Variants in SLC9A7 observed in about 807,000 individuals in gnomAD.
The protein encoded by SLC9A7 is solute carrier family 9 member A7.
SLC9A7 carries 19 observed loss-of-function variants against 52.6 expected under a neutral mutation model. That is an observed-to-expected ratio of 0.36 (90% CI 0.25 to 0.53). The LOEUF (loss-of-function observed/expected upper bound fraction) is 0.53, where lower values mean the gene tolerates loss of function less well. Among genes scored for constraint, SLC9A7 ranks in the 20% least tolerant of loss-of-function variants. The pLI is 0.91. For missense variants in SLC9A7, 455 were observed against 597.9 expected (o/e 0.76, Z 2.49); for synonymous variants, 226 against 252.1 (o/e 0.90, Z 0.98).
In SLC9A7 at chrX:46,759,102, C is replaced by A; in HGVS notation, c.-73G>T. ...CGCCGTCGGCGGGTTCTGGCAGCAC[C>A]GCGGACCTGCCGGAGTGGCCGTGGC... On this transcript the variant is annotated 5_prime_UTR_variant, in exon 1 of 17. Transcript: ENST00000616978. The A allele has an allele frequency of 1.4e-6, 1 of 698,138 alleles. No individual in the cohort carries two copies. Among genetic ancestry groups the A allele is most frequent in the Non-Finnish European group, 1.8e-6 (1 of 553,342 alleles). 57.5% of individuals were successfully genotyped at this position (698,138 alleles called of 1,213,427 possible). A position where few individuals can be genotyped will look rare whatever the true frequency, so the allele number is the denominator to read the frequency against.
chrX:46,694,943 C>T (rs959778534), intron 1 of SLC9A7, among the ~76,000 whole-genome samples: 4 of 112,228 alleles, frequency 3.6e-5, no homozygotes, highest in African/African-American at 1.3e-4. Context: ...AGATATTACA[C>T]TAAGCATACA....
At chrX:46,626,943 G>A (rs1704474396) in intron 14 of SLC9A7, among the ~76,000 whole-genome samples, 1 of 111,677 alleles carries the variant, frequency 9.0e-6, no homozygotes, top group African/African-American at 3.3e-5. Context: ...AGAAGTGTGG[G>A]AATGGACTAA....
intron 4 of SLC9A7, 32 bp from the exon 5 acceptor site, chrX:46,669,751 G>A: frequency 2.5e-6 from 2 of 793,847 alleles, no homozygotes; most frequent in Admixed American, 3.1e-5. Flanking sequence ...TATGTCAGGA[G>A]AAAAAAATAA....
At chrX:46,625,188 T>C (rs766165731) in intron 14 of SLC9A7, among the ~76,000 whole-genome samples, 1 of 111,485 alleles carries the variant, frequency 9.0e-6, no homozygotes, top group South Asian at 3.7e-4. Flanking sequence ...CATTCTTATA[T>C]AATATTAAAA....
At chrX:46,713,252 C>A (rs968923074) in intron 1 of SLC9A7, among the ~76,000 whole-genome samples, 3 of 110,993 alleles carry the variant, frequency 2.7e-5, no homozygotes, top group African/African-American at 9.8e-5. Context: ...GTAATCCCAG[C>A]ACTTTGGGAG....
At chrX:46,631,489 G>A (rs1943220825) in intron 14 of SLC9A7, 97 bp downstream of exon 14, 1 of 662,509 alleles carries the variant, frequency 1.5e-6, no homozygotes. Context: ...TCATAAGGCT[G>A]TTGTCAGGAT....
At chrX:46,666,182 C>T in intron 5 of SLC9A7, among the ~76,000 whole-genome samples, 1 of 112,036 alleles carries the variant, frequency 8.9e-6, no homozygotes, top group Non-Finnish European at 1.9e-5. Flanking sequence ...TCACAGCTCA[C>T]TGCAGCCTCA....
At chrX:46,733,703 TA>T (rs1260795055) in intron 1 of SLC9A7, among the ~76,000 whole-genome samples, 1 of 110,651 alleles carries the variant, frequency 9.0e-6, no homozygotes, top group Non-Finnish European at 1.9e-5. Context: ...TTAAGATGAC[TA>T]TTGTAATCCC....
intron 1 of SLC9A7, among the ~76,000 whole-genome samples, chrX:46,745,600 G>C (rs991989937): frequency 1.8e-5 from 2 of 111,734 alleles, no homozygotes; most frequent in African/African-American, 6.5e-5. Context: ...CCAACACTTT[G>C]GTAGGCTGAG....
intron 3 of SLC9A7, among the ~76,000 whole-genome samples, chrX:46,679,036 C>T (rs1174216466): frequency 9.0e-6 from 1 of 111,300 alleles, no homozygotes; most frequent in Non-Finnish European, 1.9e-5. Context: ...ACCCCAATGC[C>T]CCCACCATCC....
intron 12 of SLC9A7, among the ~76,000 whole-genome samples, chrX:46,642,879 G>A (rs1291688010): frequency 7.2e-5 from 8 of 111,652 alleles, no homozygotes; most frequent in Non-Finnish European, 1.3e-4. Context: ...CATTTCAAAG[G>A]AACATGAAAT....
chrX:46,719,444 A>C (rs999045658), intron 1 of SLC9A7, among the ~76,000 whole-genome samples: 3 of 111,533 alleles, frequency 2.7e-5, no homozygotes, highest in African/African-American at 9.8e-5. Context: ...AAAGTATAAT[A>C]AAAAAAATTT....
intron 5 of SLC9A7, among the ~76,000 whole-genome samples, chrX:46,664,114 C>T (rs905709568): frequency 4.5e-5 from 5 of 111,518 alleles, no homozygotes. Flanking sequence ...TGCACGAGAG[C>T]TGTGTTCTCT....
chrX:46,611,998 G>A (rs1942859173), intron 16 of SLC9A7, among the ~76,000 whole-genome samples: 1 of 111,596 alleles, frequency 9.0e-6, no homozygotes, highest in Non-Finnish European at 1.9e-5. Flanking sequence ...TTCAGATCTA[G>A]GCTTTGTGTT....
chrX:46,661,287 G>C (rs1181683127), intron 7 of SLC9A7, among the ~76,000 whole-genome samples: 2 of 110,074 alleles, frequency 1.8e-5, no homozygotes, highest in Non-Finnish European at 3.8e-5. Context: ...ACGAGTTAGT[G>C]GGTGCAGCGC....
intron 1 of SLC9A7, among the ~76,000 whole-genome samples, chrX:46,710,962 T>C (rs1366401234): frequency 1.8e-5 from 2 of 112,877 alleles, no homozygotes; most frequent in Non-Finnish European, 3.7e-5. Flanking sequence ...AATTAATCGA[T>C]TGGCACTCTG....
chrX:46,653,533 T>A, intron 8 of SLC9A7, 76 bp downstream of exon 8: 1 of 662,037 alleles, frequency 1.5e-6, no homozygotes, highest in East Asian at 3.3e-5. Context: ...TATCTAAGAA[T>A]TCTTCCCTTC....
At chrX:46,700,009 A>G (rs374827723) in intron 1 of SLC9A7, among the ~76,000 whole-genome samples, 1 of 109,397 alleles carries the variant, frequency 9.1e-6, no homozygotes. Flanking sequence ...GGAGGCTGAG[A>G]TGGGAGGATC....
At chrX:46,618,943 CAAA>C (rs34008582) in intron 15 of SLC9A7, among the ~76,000 whole-genome samples, 5 of 84,296 alleles carry the variant, frequency 5.9e-5, no homozygotes, top group Non-Finnish European at 7.2e-5. Context: ...GACTCTGTCT[CAAA>C]AAAAAAAAAA....
Sources: allele counts gnomAD v4.1 joint callset (sites outside exome capture counted in the v4.1 genomes callset), GRCh38; gene constraint gnomAD v4.1.1; transcripts MANE v1.5; gene names NCBI Gene and HGNC (gene_info 2026-07-23, HGNC 2026-07-21).